LRMDA: variants seen among roughly 807,000 people sequenced by gnomAD.
The protein encoded by LRMDA is leucine-rich melanocyte differentiation-associated protein.
In LRMDA, 18 loss-of-function variants were observed where a neutral mutation model predicts 29.8. That is an observed-to-expected ratio of 0.60 (90% CI 0.42 to 0.90). LRMDA has a LOEUF of 0.90. Ranked by LOEUF, LRMDA falls within the 40% of genes least tolerant of loss-of-function variation. The pLI is 0.00. For missense variants in LRMDA, 273 were observed against 273.9 expected (o/e 1.00, Z 0.02); for synonymous variants, 125 against 109.4 (o/e 1.14, Z -0.89).
At chr10:76,370,572 G>A (rs965791360) in intron 6 of LRMDA, among the ~76,000 whole-genome samples, 15 of 151,978 alleles carry the variant, frequency 9.9e-5, no homozygotes, top group African/African-American at 3.1e-4. Context: ...AGTTACCCAC[G>A]ATCAACTGCA....
chr10:75,695,975 T>G (rs1564542804), intron 2 of LRMDA, among the ~76,000 whole-genome samples: 2 of 152,134 alleles, frequency 1.3e-5, no homozygotes, highest in Non-Finnish European at 1.5e-5. Flanking sequence ...GCTCCAGGTA[T>G]ATTCCGGGTA....
At chr10:75,718,252 C>T (rs949248365) in intron 2 of LRMDA, among the ~76,000 whole-genome samples, 2 of 152,214 alleles carry the variant, frequency 1.3e-5, no homozygotes, top group South Asian at 4.1e-4. Flanking sequence ...CTGCTTCATC[C>T]TGCAGGTCTG....
intron 2 of LRMDA, among the ~76,000 whole-genome samples, chr10:75,582,292 C>T (rs1240186189): frequency 1.2e-4 from 18 of 152,250 alleles, no homozygotes; most frequent in Non-Finnish European, 2.9e-5. Context: ...CAGCAGGCTT[C>T]TGCCTGGACA....
intron 6 of LRMDA, among the ~76,000 whole-genome samples, chr10:76,461,653 G>A (rs1042523852): frequency 5.3e-5 from 8 of 152,150 alleles, no homozygotes; most frequent in African/African-American, 1.9e-4. Flanking sequence ...TGGTGAACTG[G>A]GAGAGCCAGG....
intron 2 of LRMDA, among the ~76,000 whole-genome samples, chr10:75,770,062 G>T (rs144609035): frequency 2.0e-5 from 3 of 151,994 alleles, no homozygotes; most frequent in African/African-American, 7.2e-5. Flanking sequence ...CAGGAGGATC[G>T]CTGAGGAAGG....
intron 5 of LRMDA, among the ~76,000 whole-genome samples, chr10:76,261,809 A>G (rs545468573): frequency 6.6e-6 from 1 of 152,350 alleles, no homozygotes; most frequent in African/African-American, 2.4e-5. Context: ...AACCCGTCAT[A>G]TAAACTCATT....
At chr10:75,862,178 TCACACACACACACA>T (rs3042514) in intron 2 of LRMDA, among the ~76,000 whole-genome samples, 2 of 147,670 alleles carry the variant, frequency 1.4e-5, no homozygotes, top group Admixed American at 6.7e-5. Context: ...AACCTTGGGT[TCACACACACACACA>T]CACACACACA....
At chr10:75,755,918 G>A (rs1843026349) in intron 2 of LRMDA, among the ~76,000 whole-genome samples, 1 of 152,198 alleles carries the variant, frequency 6.6e-6, no homozygotes. Context: ...TTTTAAGTGG[G>A]GCTATGGCTT....
intron 5 of LRMDA, among the ~76,000 whole-genome samples, chr10:76,061,226 A>G (rs955819558): frequency 6.6e-6 from 1 of 152,236 alleles, no homozygotes; most frequent in East Asian, 1.9e-4. Context: ...TTGTGGGAAC[A>G]TGGATGGAGC....
intron 5 of LRMDA, among the ~76,000 whole-genome samples, chr10:76,206,440 A>C (rs898403797): frequency 6.6e-6 from 1 of 152,290 alleles, no homozygotes; most frequent in South Asian, 2.1e-4. Context: ...GTAGTACAGG[A>C]AAGTATGCAT....
chr10:75,691,219 TA>T (rs1842151755), intron 2 of LRMDA, among the ~76,000 whole-genome samples: 1 of 143,530 alleles, frequency 7.0e-6, no homozygotes, highest in African/African-American at 2.6e-5. Context: ...CATATATATA[TA>T]CACATATATG....
chr10:75,910,471 A>G (rs17435179), intron 2 of LRMDA, among the ~76,000 whole-genome samples: 18,132 of 152,244 alleles, frequency 0.12, 1,216 homozygotes, highest in Middle Eastern at 0.31. Flanking sequence ...TAGTGATAGT[A>G]TTAACATTTT....
intron 6 of LRMDA, among the ~76,000 whole-genome samples, chr10:76,506,215 T>G (rs1842958200): frequency 2.0e-5 from 3 of 152,324 alleles, no homozygotes; most frequent in Admixed American, 6.5e-5. Context: ...TGTGTCCAGT[T>G]GGACGTCTTG....
intron 2 of LRMDA, among the ~76,000 whole-genome samples, chr10:75,576,654 G>T (rs1316223866): frequency 1.3e-5 from 2 of 152,182 alleles, no homozygotes; most frequent in African/African-American, 4.8e-5. Flanking sequence ...GCTCAGTAAG[G>T]CCACTGCAGC....
At chr10:76,009,283 T>C (rs1847730275) in intron 2 of LRMDA, among the ~76,000 whole-genome samples, 1 of 152,188 alleles carries the variant, frequency 6.6e-6, no homozygotes, top group South Asian at 2.1e-4. Flanking sequence ...TGTGTTTTTC[T>C]CACTACACTA....
intron 5 of LRMDA, among the ~76,000 whole-genome samples, chr10:76,097,565 C>T (rs548650010): frequency 1.6e-4 from 25 of 152,244 alleles, no homozygotes; most frequent in African/African-American, 4.6e-4. Context: ...TTTTTGCAAA[C>T]GTCCTCTATC....
At chr10:76,383,846 G>A (rs1354435944) in intron 6 of LRMDA, among the ~76,000 whole-genome samples, 1 of 151,814 alleles carries the variant, frequency 6.6e-6, no homozygotes, top group Non-Finnish European at 1.5e-5. Flanking sequence ...CATCTCCTCA[G>A]AGAGGTCTTC....
rs186927665 is a variant in LRMDA at position 75,581,389 on chromosome 10, T to A, written c.131+142895T>A. Among the ~76,000 whole-genome samples the A allele has an allele frequency of 2.0e-3, 306 of 152,284 alleles. 1 individual carries two copies. The highest frequency in any genetic ancestry group is 6.0e-3 in the Admixed American group (92 of 15,298). ...AGATACCATCTCACCCCAGTTAGAA[T>A]GGTGATCATTAAAAAGTCAGGAAAC... On this transcript the variant is annotated intron_variant, in intron 2 of 6. Transcript: ENST00000611255.
At position 76,061,216 on chromosome 10, in the gene LRMDA, T is replaced by C. The variant is rs1031104208; in HGVS notation, c.516+2433T>C. Among the ~76,000 whole-genome samples the C allele has an allele frequency of 3.3e-5, 5 of 152,190 alleles. 1 individual carries two copies. The highest frequency in any genetic ancestry group is 6.5e-5 in the Admixed American group (1 of 15,288). On this transcript the variant is annotated intron_variant, in intron 5 of 6. Coordinates refer to ENST00000611255, the MANE Select transcript of LRMDA (RefSeq NM_001305581.2). The stretch of plus-strand genomic sequence containing the variant: ...ATACAAAAGAACGAGATCATATCTT[T>C]TGTGGGAACATGGATGGAGCTGGAG...
Sources: gnomAD v4.1 joint callset for allele counts (sites outside exome capture counted in the v4.1 genomes callset) on GRCh38, gnomAD v4.1.1 for gene constraint, MANE v1.5 for transcripts, NCBI Gene and HGNC (gene_info 2026-07-23, HGNC 2026-07-21) for gene names.